The following RNFT2 variants were observed in gnomAD, a reference collection of about 807,000 sequenced individuals.
RNFT2 encodes ring finger protein, transmembrane 2.
A neutral mutation model predicts 53.0 loss-of-function variants in RNFT2; 36 were observed. The observed-to-expected ratio is 0.68, with a 90% CI of 0.52 to 0.90. The LOEUF (loss-of-function observed/expected upper bound fraction) is 0.90, where lower values mean the gene tolerates loss of function less well. Among genes scored for constraint, RNFT2 ranks in the 40% least tolerant of loss-of-function variants. The probability of loss-of-function intolerance (pLI) is 0.00; values close to 1 mark genes in which losing one functional copy is unlikely to be tolerated. For synonymous variants in RNFT2, 260 were observed against 253.2 expected (o/e 1.03, Z -0.26); for missense variants, 514 against 585.6 (o/e 0.88, Z 1.26).
chr12:116,798,045 G>A lies in RNFT2; in HGVS notation c.882+18697G>A, dbSNP rs573544189. ...GCCCCATATCTGAGCCCCATCTCTG[G>A]AGTCAAGTCCCGCCTGCTACCTCAC... is the stretch of plus-strand genomic sequence containing the variant. On this transcript the variant is annotated intron_variant, in intron 7 of 10. Coordinates refer to ENST00000257575, the MANE Select transcript of RNFT2 (RefSeq NM_001382266.1). Among the ~76,000 whole-genome samples, 3 of 152,154 alleles carry A rather than the reference G, an allele frequency of 2.0e-5. No individual in the cohort carries two copies. The East Asian group carries it at 5.8e-4, about 29-fold the overall frequency.
intron 7 of RNFT2, among the ~76,000 whole-genome samples, chr12:116,783,047 A>G (rs1873783964): frequency 6.6e-6 from 1 of 152,166 alleles, no homozygotes; most frequent in Non-Finnish European, 1.5e-5. Flanking sequence ...TGCTCAATAC[A>G]TGTTGGCTAC....
chr12:116,835,310 G>A (rs1876905131), intron 8 of RNFT2, among the ~76,000 whole-genome samples: 1 of 151,934 alleles, frequency 6.6e-6, no homozygotes, highest in African/African-American at 2.4e-5. Context: ...TCTACTGAAT[G>A]TTTTCTATCT....
At chr12:116,836,441 T>G (rs1265902528) in intron 10 of RNFT2, among the ~76,000 whole-genome samples, 159 bp downstream of exon 10, 1 of 152,206 alleles carries the variant, frequency 6.6e-6, no homozygotes, top group Non-Finnish European at 1.5e-5. Context: ...CCTCTGCCTC[T>G]TAGTAGCTGG....
chr12:116,817,307 C>G (rs1875736855), intron 7 of RNFT2, among the ~76,000 whole-genome samples: 1 of 152,134 alleles, frequency 6.6e-6, no homozygotes, highest in Admixed American at 6.5e-5. Flanking sequence ...GCCACTGCAC[C>G]TGGCCTGTTT....
Position 116,831,204 on chromosome 12 carries a change from A to AG in RNFT2, c.883-2588_883-2587insG, listed in dbSNP as rs1359920957. Among the ~76,000 whole-genome samples, 10 of 151,784 alleles carry AG rather than the reference A, an allele frequency of 6.6e-5. No individual in the cohort carries two copies. In the East Asian group the frequency reaches 1.9e-3, roughly 29 times the overall value. On this transcript the variant is annotated intron_variant, in intron 7 of 10. Coordinates refer to ENST00000257575, the MANE Select transcript of RNFT2 (RefSeq NM_001382266.1). ...GCATGACCTCGTCTCTCTACAAAAA[A>AG]AAAAAAGAGAGAGAGAGAGATAATA...
chr12:116,848,589 G>T (rs1877737352), intron 10 of RNFT2, among the ~76,000 whole-genome samples: 1 of 151,958 alleles, frequency 6.6e-6, no homozygotes, highest in Non-Finnish European at 1.5e-5. Flanking sequence ...CCCCAGCCCA[G>T]CTATCCTCTC....
At chr12:116,768,721 T>C (rs1873029413) in intron 6 of RNFT2, among the ~76,000 whole-genome samples, 1 of 148,998 alleles carries the variant, frequency 6.7e-6, no homozygotes, top group East Asian at 2.0e-4. Flanking sequence ...TCATTTTTTT[T>C]TTATTTTTCT....
intron 7 of RNFT2, among the ~76,000 whole-genome samples, chr12:116,809,259 C>G (rs1875242500): frequency 6.6e-6 from 1 of 152,098 alleles, no homozygotes; most frequent in African/African-American, 2.4e-5. Flanking sequence ...CATCCCAGTC[C>G]TCCTCCATCA....
intron 5 of RNFT2, among the ~76,000 whole-genome samples, chr12:116,754,615 G>A (rs1325513045): frequency 2.0e-5 from 3 of 152,156 alleles, no homozygotes; most frequent in South Asian, 2.1e-4. Context: ...CAGTGTAGAC[G>A]TGTTCCCTGT....
At chr12:116,749,101 G>A (rs573843523) in intron 3 of RNFT2, among the ~76,000 whole-genome samples, 35 of 152,232 alleles carry the variant, frequency 2.3e-4, no homozygotes, top group African/African-American at 8.4e-4. Context: ...CCACACCCCA[G>A]GGGGCTTAAA....
chr12:116,835,920 C>T (rs1343798705), intron 8 of RNFT2, 40 bp from the exon 9 acceptor site: 3 of 1,611,530 alleles, frequency 1.9e-6, no homozygotes, highest in Non-Finnish European at 2.5e-6. Context: ...CACGAGTGAT[C>T]CTTGGGTACA....
chr12:116,799,269 A>G (rs192333271), intron 7 of RNFT2, among the ~76,000 whole-genome samples: 6 of 152,232 alleles, frequency 3.9e-5, no homozygotes, highest in Non-Finnish European at 7.4e-5. Context: ...TGTGTCTGAC[A>G]TTTCTCTGAC....
Position 116,851,688 on chromosome 12 carries a change from C to T in RNFT2, c.*2240C>T. The T allele has an allele frequency of 1.5e-6, 1 of 654,144 alleles. No homozygotes were observed. The highest frequency in any genetic ancestry group is 2.7e-6 in the Non-Finnish European group (1 of 366,494). The allele number at this position is 654,144 out of a possible 1,614,324, so 40.5% of individuals were successfully genotyped here. A position where few individuals can be genotyped will look rare whatever the true frequency, so the allele number is the denominator to read the frequency against. On this transcript the variant is annotated 3_prime_UTR_variant, in exon 11 of 11. Transcript: ENST00000257575. ...CTCGGGAGGTGAAAGTTGCAGTGAG[C>T]CGAGATTGCACCACAGCACTCCAAC...
At chr12:116,791,296 G>A (rs1465131874) in intron 7 of RNFT2, among the ~76,000 whole-genome samples, 3 of 152,190 alleles carry the variant, frequency 2.0e-5, no homozygotes, top group East Asian at 3.9e-4. Context: ...GTTGTAGCAT[G>A]TATCAGCACT....
At chr12:116,780,826 G>A (rs549165764) in intron 7 of RNFT2, among the ~76,000 whole-genome samples, 17 of 152,174 alleles carry the variant, frequency 1.1e-4, no homozygotes, top group East Asian at 1.9e-4. Context: ...TCGGCACCAC[G>A]CACTTGACAC....
At chr12:116,808,630 C>CTTT (rs1875201720) in intron 7 of RNFT2, among the ~76,000 whole-genome samples, 1 of 152,198 alleles carries the variant, frequency 6.6e-6, no homozygotes, top group African/African-American at 2.4e-5. Context: ...TGTTCCGCCA[C>CTTT]TAGAGAAGAT....
intron 7 of RNFT2, among the ~76,000 whole-genome samples, chr12:116,821,186 T>G (rs1875998003): frequency 6.6e-6 from 1 of 152,158 alleles, no homozygotes; most frequent in Admixed American, 6.6e-5. Flanking sequence ...TCTTCCTTTC[T>G]TCTGCCCCCA....
chr12:116,824,097 T>C (rs928395320), intron 7 of RNFT2, among the ~76,000 whole-genome samples: 3 of 152,172 alleles, frequency 2.0e-5, no homozygotes, highest in Non-Finnish European at 4.4e-5. Context: ...GCCACGTTTC[T>C]TTCCCAGGTC....
At position 116,849,808 on chromosome 12, in the gene RNFT2, C is replaced by A; in HGVS notation, c.*360C>A. ...TTTCTTTTCTTTTCTTTCTCTCTCT[C>A]TCTGTTTCCCTCCCTCCCTCCTTCC... On this transcript the variant is annotated 3_prime_UTR_variant, in exon 11 of 11. Coordinates refer to ENST00000257575, the MANE Select transcript of RNFT2 (RefSeq NM_001382266.1). 1 of 712,560 alleles carries A rather than the reference C, an allele frequency of 1.4e-6. No homozygotes were observed. The highest frequency in any genetic ancestry group is 1.7e-6 in the Non-Finnish European group (1 of 574,690). 44.1% of individuals were successfully genotyped at this position (712,560 alleles called of 1,614,324 possible).
Sources: allele counts gnomAD v4.1 joint callset (sites outside exome capture counted in the v4.1 genomes callset), GRCh38; gene constraint gnomAD v4.1.1; transcripts MANE v1.5; gene names NCBI Gene and HGNC (gene_info 2026-07-23, HGNC 2026-07-21).